PRKN: variants seen among roughly 807,000 people sequenced by gnomAD.
PRKN encodes the protein parkin RBR E3 ubiquitin protein ligase.
In PRKN, 56 loss-of-function variants were observed where a neutral mutation model predicts 59.5. The ratio of observed to expected loss-of-function variants is 0.94; its 90% CI spans 0.76 to 1.18. The LOEUF is 1.18. Among genes scored for constraint, PRKN ranks in the 50% most tolerant of loss-of-function variants. The pLI is 0.00. For missense variants in PRKN, 657 were observed against 596.4 expected, an observed-to-expected ratio of 1.10 and a Z score of -1.06; for synonymous variants, 250 against 222.1, an observed-to-expected ratio of 1.13 and a Z score of -1.12.
intron 2 of PRKN, among the ~76,000 whole-genome samples, chr6:162,320,316 A>G (rs1309453783): frequency 1.4e-5 from 2 of 144,768 alleles, no homozygotes; most frequent in African/African-American, 2.5e-5. Flanking sequence ...CTTTGGGTAG[A>G]TACCCAGTAG....
At chr6:162,005,957 A>G (rs1782236097) in intron 5 of PRKN, among the ~76,000 whole-genome samples, 1 of 152,124 alleles carries the variant, frequency 6.6e-6, no homozygotes, top group Non-Finnish European at 1.5e-5. Flanking sequence ...GTATATATAT[A>G]TATATCTACT....
rs563116962 is a variant in PRKN, at chr6:162,592,569, A to G, written c.7+135093T>C. 5.9e-5 allele frequency among the ~76,000 whole-genome samples: 9 copies of G among 152,246 alleles called. No individual in the cohort carries two copies. In the South Asian group the frequency reaches 1.7e-3, roughly 28 times the overall value. On this transcript the variant is annotated intron_variant, in intron 1 of 11. Transcript: ENST00000366898. Reference sequence around the variant, plus strand: ...TATCACCTGCCTGCTTCCAAACACCACTGCTTCAGAATCTGCAAAGAGTAA... The same window carrying G: ...TATCACCTGCCTGCTTCCAAACACCGCTGCTTCAGAATCTGCAAAGAGTAA...
chr6:161,960,001 T>C (rs1468874833), intron 6 of PRKN, among the ~76,000 whole-genome samples: 1 of 152,166 alleles, frequency 6.6e-6, no homozygotes. Context: ...CTACAGACCT[T>C]CTGCAAAGTA....
chr6:161,646,514 G>A lies in PRKN; in HGVS notation c.872-77098C>T, dbSNP rs139668137. ...GCGTGGTGGAGGAGGTGGCGTATGA[G>A]TGACAGTGGTGACTGCGTGTGCGTG... On this transcript the variant is annotated intron_variant, in intron 7 of 11. Transcript: ENST00000366898. Among the ~76,000 whole-genome samples, 273 of 131,152 alleles carry A rather than the reference G, an allele frequency of 2.1e-3. 1 individual carries two copies. The highest frequency in any genetic ancestry group is 3.0e-3 in the Non-Finnish European group (174 of 58,304). 86.0% of individuals were successfully genotyped at this position (131,152 alleles called of 152,430 possible).
At chr6:162,181,593 A>G (rs1227331967) in intron 4 of PRKN, among the ~76,000 whole-genome samples, 1 of 152,190 alleles carries the variant, frequency 6.6e-6, no homozygotes, top group Non-Finnish European at 1.5e-5. Context: ...TTGTACAAGA[A>G]CCATAGAATC....
intron 1 of PRKN, among the ~76,000 whole-genome samples, chr6:162,697,456 C>T (rs1226560983): frequency 6.6e-6 from 1 of 152,022 alleles, no homozygotes; most frequent in Non-Finnish European, 1.5e-5. Flanking sequence ...GTAAAAAAAG[C>T]AAGTTTTAAC....
intron 6 of PRKN, among the ~76,000 whole-genome samples, chr6:161,837,826 C>T (rs559263276): frequency 6.6e-6 from 1 of 152,224 alleles, no homozygotes; most frequent in Non-Finnish European, 1.5e-5. Flanking sequence ...TGTATGAAAG[C>T]ACTAGAAAAT....
intron 1 of PRKN, among the ~76,000 whole-genome samples, chr6:162,515,130 T>C (rs1011168874): frequency 1.3e-5 from 2 of 151,302 alleles, no homozygotes; most frequent in Admixed American, 1.3e-4. Flanking sequence ...TCACCCAGAC[T>C]GGAGTGCAAT....
chr6:162,264,977 G>C (rs1780065066), intron 2 of PRKN, among the ~76,000 whole-genome samples: 1 of 151,982 alleles, frequency 6.6e-6, no homozygotes, highest in Non-Finnish European at 1.5e-5. Context: ...CCCCGTTTTA[G>C]GCCTTCCTCA....
At chr6:161,809,958 T>C (rs1791494454) in intron 6 of PRKN, among the ~76,000 whole-genome samples, 1 of 152,212 alleles carries the variant, frequency 6.6e-6, no homozygotes, top group South Asian at 2.1e-4. Flanking sequence ...TAAAAATGTG[T>C]TTAATAAAAT....
At chr6:162,509,850 T>C (rs115210603) in intron 1 of PRKN, among the ~76,000 whole-genome samples, 64 of 152,322 alleles carry the variant, frequency 4.2e-4, no homozygotes, top group African/African-American at 1.5e-3. Context: ...GGAAGCTAGC[T>C]GAGGACTGGA....
intron 2 of PRKN, among the ~76,000 whole-genome samples, chr6:162,400,457 C>CAAAAAAAAAAAAA (rs3081908): frequency 6.1e-5 from 6 of 98,660 alleles, no homozygotes; most frequent in East Asian, 3.3e-4. Context: ...ATGTAAATAT[C>CAAAAAAAAAAAAA]AAAAAAAAAA....
At position 162,612,057 on chromosome 6, in the gene PRKN, G is replaced by C. The variant is rs1782197682; in HGVS notation, c.7+115605C>G. On this transcript the variant is annotated intron_variant, in intron 1 of 11. Coordinates refer to ENST00000366898, the MANE Select transcript of PRKN (RefSeq NM_004562.3). ...AAAAAAAAAAAATTAGCTGGGCGTG[G>C]TGGCGGGCGCCTGTAGTCCCAGCTA... Among the ~76,000 whole-genome samples the C allele has an allele frequency of 2.6e-5, 4 of 151,240 alleles. No homozygotes were observed. In the South Asian group the frequency reaches 8.3e-4, roughly 32 times the overall value.
intron 1 of PRKN, among the ~76,000 whole-genome samples, chr6:162,527,128 G>A (rs1778319246): frequency 6.6e-6 from 1 of 152,186 alleles, no homozygotes; most frequent in Admixed American, 6.6e-5. Flanking sequence ...GAAGGTAGGA[G>A]GAGCCAGGGT....
chr6:161,856,245 A>G (rs1793645546), intron 6 of PRKN, among the ~76,000 whole-genome samples: 1 of 152,166 alleles, frequency 6.6e-6, no homozygotes, highest in African/African-American at 2.4e-5. Flanking sequence ...CTGTAATCCC[A>G]GCTGCTCGGG....
At chr6:161,609,811 G>A (rs1186531135) in intron 7 of PRKN, among the ~76,000 whole-genome samples, 1 of 152,202 alleles carries the variant, frequency 6.6e-6, no homozygotes, top group Non-Finnish European at 1.5e-5. Context: ...CTGGGGGCTG[G>A]ACTACGGTTA....
At chr6:161,839,249 G>A (rs1450651386) in intron 6 of PRKN, among the ~76,000 whole-genome samples, 1 of 152,136 alleles carries the variant, frequency 6.6e-6, no homozygotes, top group African/African-American at 2.4e-5. Flanking sequence ...AAGAAGGTAA[G>A]CCGGACACTG....
At chr6:162,451,149 C>A (rs868340641) in intron 1 of PRKN, among the ~76,000 whole-genome samples, 1 of 151,932 alleles carries the variant, frequency 6.6e-6, no homozygotes, top group Non-Finnish European at 1.5e-5. Context: ...AACCAAGGGT[C>A]ACTGGAGAAA....
chr6:161,478,557 G>A (rs2115228930), intron 9 of PRKN, among the ~76,000 whole-genome samples: 1 of 152,308 alleles, frequency 6.6e-6, no homozygotes, highest in East Asian at 1.9e-4. Flanking sequence ...TCTGAATGAT[G>A]TGGCCAGCCA....
Sources: allele counts gnomAD v4.1 joint callset (sites outside exome capture counted in the v4.1 genomes callset), GRCh38; gene constraint gnomAD v4.1.1; transcripts MANE v1.5; gene names NCBI Gene and HGNC (gene_info 2026-07-23, HGNC 2026-07-21).